Variants in C10orf67 observed in about 807,000 individuals in gnomAD.
The protein encoded by C10orf67 is chromosome 10 open reading frame 67.
In C10orf67, 60 loss-of-function variants were observed where a neutral mutation model predicts 35.6. That is an observed-to-expected ratio of 1.68 (90% CI 1.37 to 2.09). The LOEUF is 2.09. Ranked by LOEUF, C10orf67 falls within the 30% of genes most tolerant of loss-of-function variation. The pLI is 0.00. For synonymous variants in C10orf67, 167 were observed against 115.8 expected (o/e 1.44, Z -2.84); for missense variants, 474 against 330.2 (o/e 1.44, Z -3.38).
intron 7 of C10orf67, among the ~76,000 whole-genome samples, chr10:23,283,815 A>G (rs1312587594): frequency 6.6e-6 from 1 of 151,938 alleles, no homozygotes; most frequent in East Asian, 1.9e-4. Flanking sequence ...CAGGCTGGGC[A>G]TGCCTCTTGT....
intron 7 of C10orf67, among the ~76,000 whole-genome samples, chr10:23,287,248 A>C (rs1843571436): frequency 6.6e-6 from 1 of 152,222 alleles, no homozygotes; most frequent in East Asian, 1.9e-4. Context: ...ACAGTAACCA[A>C]AACAGCATGG....
rs530842643 is a variant in C10orf67, at chr10:23,315,379, G to A, written c.546+5362C>T. Among the ~76,000 whole-genome samples, 5 of 152,248 alleles carry A rather than the reference G, an allele frequency of 3.3e-5. No homozygotes were observed. In the South Asian group the frequency reaches 1.0e-3, roughly 32 times the overall value. ...TGATATACATTAGAAATAGATCAAT[G>A]TCCCAGAAATTGTAGAAGACACAAA... On this transcript the variant is annotated intron_variant, in intron 4 of 15. Coordinates refer to ENST00000636213, the MANE Select transcript of C10orf67 (RefSeq NM_001371909.1).
chr10:23,332,814 C>T (rs964352449), intron 2 of C10orf67, among the ~76,000 whole-genome samples: 2 of 152,040 alleles, frequency 1.3e-5, no homozygotes, highest in Non-Finnish European at 2.9e-5. Context: ...AAAATGTTCA[C>T]AGATGTCAAA....
chr10:23,215,005 A>C (rs1257879787), intron 15 of C10orf67, among the ~76,000 whole-genome samples: 1 of 152,200 alleles, frequency 6.6e-6, no homozygotes, highest in East Asian at 1.9e-4. Flanking sequence ...CCTGGGCGAC[A>C]GACCAAGACT....
At chr10:23,306,622 GTCATAAGATGAATA>G (rs1315464851) in intron 4 of C10orf67, among the ~76,000 whole-genome samples, 8 of 151,848 alleles carry the variant, frequency 5.3e-5, no homozygotes, top group African/African-American at 1.2e-4. Flanking sequence ...TAAACTTTCA[GTCATAAGATGAATA>G]AGTTCTGGCA....
chr10:23,301,091 A>G (rs4453119), intron 5 of C10orf67, among the ~76,000 whole-genome samples: 59,959 of 152,110 alleles, frequency 0.39, 15,026 homozygotes, highest in East Asian at 0.74. Flanking sequence ...TAGCTGGGCC[A>G]AATTCTCCTC....
rs1361070894 is a variant in C10orf67, at chr10:23,260,158, TACAA to T, written c.1200+6100_1200+6103del. 3.3e-5 allele frequency among the ~76,000 whole-genome samples: 5 copies of T among 152,104 alleles called. No individual in the cohort carries two copies. The South Asian group carries it at 6.2e-4, about 19-fold the overall frequency. On this transcript the variant is annotated intron_variant, in intron 10 of 15. Transcript: ENST00000636213. ...GAAGTCAATCCAAAATAAAAGACATTACAAACAGAGAAACGAAGTTAAAATTTAC... is the reference window on the plus strand; with the variant it reads ...GAAGTCAATCCAAAATAAAAGACATTACAGAGAAACGAAGTTAAAATTTAC...
chr10:23,281,150 C>T (rs950645130), intron 8 of C10orf67, among the ~76,000 whole-genome samples: 2 of 152,202 alleles, frequency 1.3e-5, no homozygotes, highest in Admixed American at 6.5e-5. Flanking sequence ...AAGTTGGTTT[C>T]GTAGAAGGCT....
chr10:23,308,001 T>C (rs1472644891), intron 4 of C10orf67, among the ~76,000 whole-genome samples: 1 of 152,184 alleles, frequency 6.6e-6, no homozygotes, highest in Non-Finnish European at 1.5e-5. Flanking sequence ...GCTCAAACAC[T>C]CTGCTAAGGT....
intron 10 of C10orf67, among the ~76,000 whole-genome samples, chr10:23,265,926 T>G (rs1384302689): frequency 6.6e-6 from 1 of 152,216 alleles, no homozygotes; most frequent in Non-Finnish European, 1.5e-5. Flanking sequence ...TCCCGGAATC[T>G]TCTGATGACA....
intron 1 of C10orf67, among the ~76,000 whole-genome samples, chr10:23,339,247 C>T (rs1845794912): frequency 6.6e-6 from 1 of 152,138 alleles, no homozygotes; most frequent in Admixed American, 6.6e-5. Flanking sequence ...AGTCACTCTA[C>T]TGGCTGAAGT....
At chr10:23,263,745 C>T (rs574085137) in intron 10 of C10orf67, among the ~76,000 whole-genome samples, 39 of 152,174 alleles carry the variant, frequency 2.6e-4, no homozygotes, top group Non-Finnish European at 3.2e-4. Context: ...TACTCAGGGT[C>T]GGGAGAGGAA....
chr10:23,241,505 A>G (rs772915117), intron 12 of C10orf67, among the ~76,000 whole-genome samples: 1 of 152,208 alleles, frequency 6.6e-6, no homozygotes, highest in Admixed American at 6.5e-5. Context: ...GGTTGACTGT[A>G]GTAGAGTGAA....
At chr10:23,318,529 G>A (rs954432894) in intron 4 of C10orf67, 1 of 201,314 alleles carries the variant, frequency 5.0e-6, no homozygotes, top group African/African-American at 2.3e-5. Context: ...CACATTCTGT[G>A]TTTATCAGCA....
In C10orf67 at chr10:23,236,249, G is replaced by C. The variant is rs184847688; in HGVS notation, c.1434+3480C>G. ...GGGCGACAGAGCGAGACTCCCTCTCGGGGGAAAAAAAAAAAAAAAAAAAAA... is the reference window on the plus strand; with the variant it reads ...GGGCGACAGAGCGAGACTCCCTCTCCGGGGAAAAAAAAAAAAAAAAAAAAA... On this transcript the variant is annotated intron_variant, in intron 13 of 15. Coordinates refer to ENST00000636213, the MANE Select transcript of C10orf67 (RefSeq NM_001371909.1). Among the ~76,000 whole-genome samples the C allele has an allele frequency of 1.4e-3, 130 of 89,704 alleles. 1 individual carries two copies. The highest frequency in any genetic ancestry group is 1.8e-3 in the Non-Finnish European group (93 of 50,574). 58.8% of individuals were successfully genotyped at this position (89,704 alleles called of 152,430 possible). A position where few individuals can be genotyped will look rare whatever the true frequency, so the allele number is the denominator to read the frequency against.
intron 3 of C10orf67, among the ~76,000 whole-genome samples, chr10:23,322,012 T>G (rs1380431485): frequency 6.6e-6 from 1 of 152,150 alleles, no homozygotes; most frequent in Non-Finnish European, 1.5e-5. Flanking sequence ...GGTCTTGAAC[T>G]CCCAGCTTCA....
chr10:23,236,584 G>C (rs1842059142), intron 13 of C10orf67, among the ~76,000 whole-genome samples: 1 of 151,956 alleles, frequency 6.6e-6, no homozygotes, highest in Admixed American at 6.6e-5. Flanking sequence ...GTTATTTTTT[G>C]TAAAAAACTT....
intron 13 of C10orf67, among the ~76,000 whole-genome samples, chr10:23,224,779 T>C (rs1298948607): frequency 2.0e-5 from 3 of 152,128 alleles, no homozygotes; most frequent in Non-Finnish European, 4.4e-5. Flanking sequence ...AAAGTATCAG[T>C]GATTGAAGAT....
chr10:23,270,178 C>T (rs1588635182), intron 8 of C10orf67, among the ~76,000 whole-genome samples: 1 of 152,236 alleles, frequency 6.6e-6, no homozygotes, highest in East Asian at 1.9e-4. Context: ...CTGAAATATC[C>T]AGATTCTCAC....
Sources: allele counts gnomAD v4.1 joint callset (sites outside exome capture counted in the v4.1 genomes callset), GRCh38; gene constraint gnomAD v4.1.1; transcripts MANE v1.5; gene names NCBI Gene and HGNC (gene_info 2026-07-23, HGNC 2026-07-21).